The following DLGAP5 variants were observed in gnomAD, a reference collection of about 807,000 sequenced individuals.
The protein encoded by DLGAP5 is disks large-associated protein 5.
Under a neutral mutation model 99.6 loss-of-function variants are expected in DLGAP5, and 90 were observed. The ratio of observed to expected loss-of-function variants is 0.90; its 90% CI spans 0.76 to 1.08. The LOEUF is 1.08. Ranked by LOEUF, DLGAP5 falls within the 50% of genes least tolerant of loss-of-function variation. The probability of loss-of-function intolerance (pLI) is 0.00; values close to 1 mark genes in which losing one functional copy is unlikely to be tolerated. For synonymous variants in DLGAP5, 311 were observed against 321.3 expected, an observed-to-expected ratio of 0.97 and a Z score of 0.34; for missense variants, 1,036 against 983.5, an observed-to-expected ratio of 1.05 and a Z score of -0.71.
chr14:55,158,776 T>C (rs1410687178), intron 13 of DLGAP5, 35 bp from the exon 14 acceptor site: 2 of 1,475,918 alleles, frequency 1.4e-6, no homozygotes, highest in Non-Finnish European at 1.9e-6. Context: ...AAGCTGCCCA[T>C]TACCATCTTA....
intron 6 of DLGAP5, among the ~76,000 whole-genome samples, chr14:55,180,169 A>G (rs897390427): frequency 6.6e-6 from 1 of 152,118 alleles, no homozygotes; most frequent in African/African-American, 2.4e-5. Context: ...AATAACAGAA[A>G]ACTACAAAGA....
At chr14:55,158,435 C>G (rs1882287584) in intron 14 of DLGAP5, 87 bp downstream of exon 14, 1 of 1,122,008 alleles carries the variant, frequency 8.9e-7, no homozygotes, top group African/African-American at 1.6e-5. Context: ...CTATTTTTCA[C>G]CTTACACAAG....
Position 55,158,725 on chromosome 14 carries a change from C to T in DLGAP5, c.1670G>A (p.Gly557Asp). Residue 557 changes from glycine (G) to aspartate (D), a missense_variant, in exon 14 of 19, where the codon GGT (glycine) becomes GAT (aspartate). Physicochemically the swap from Gly to Asp is moderately conservative, Grantham distance 94. Transcript: ENST00000247191. ...KNVFRKKVVS[G>D]IASKPKQDDA... is the part of the protein sequence containing the mutation. The stretch of plus-strand genomic sequence containing the variant: ...ATCCTGTTTTGGTTTACTTGCTATA[C>T]CTGAGACAACTTTTTTCTGCAAAGA... 1 of 1,613,284 alleles carries T rather than the reference C, an allele frequency of 6.2e-7. No homozygotes were observed. Among genetic ancestry groups the T allele is most frequent in the Non-Finnish European group, 8.5e-7 (1 of 1,179,504 alleles).
At chr14:55,180,911 G>A (rs1044022649) in intron 5 of DLGAP5, 133 bp from the exon 6 acceptor site, 9 of 1,144,702 alleles carry the variant, frequency 7.9e-6, no homozygotes, top group Middle Eastern at 2.4e-4. Flanking sequence ...CAGCCCAGGA[G>A]TTCGAAACCA....
chr14:55,177,428 A>G, intron 7 of DLGAP5, 92 bp from the exon 8 acceptor site: 1 of 1,187,698 alleles, frequency 8.4e-7, no homozygotes, highest in Admixed American at 2.7e-5. Context: ...TGACAACAGA[A>G]ATATATGTTC....
chr14:55,149,880 C>T (rs1881953812), intron 18 of DLGAP5, among the ~76,000 whole-genome samples: 1 of 151,728 alleles, frequency 6.6e-6, no homozygotes, highest in Non-Finnish European at 1.5e-5. Flanking sequence ...TGAAACCCCG[C>T]ATCTCTACTA....
intron 12 of DLGAP5, among the ~76,000 whole-genome samples, chr14:55,167,508 T>G (rs555648720): frequency 6.6e-6 from 1 of 152,204 alleles, no homozygotes; most frequent in South Asian, 2.1e-4. Flanking sequence ...TTCTTTAGAC[T>G]TAATAATTGT....
Position 55,152,600 on chromosome 14 carries a change from T to A in DLGAP5, c.2111A>T (p.Glu704Val). The change falls in exon 16 of 19, where the codon GAA (glutamate) becomes GTA (valine). Residue 704 changes from glutamate to valine, a missense_variant. Physicochemically the swap from Glu to Val is moderately radical, Grantham distance 121. Coordinates refer to ENST00000247191, the MANE Select transcript of DLGAP5 (RefSeq NM_014750.5). ...TGGAATTGTACTTACATGATTTTCT[T>A]CAATTAAATCTGGTAATCCAGGACA... Reference protein sequence around the residue: ...AQCPGLPDLIEENHVVNKTDL... With the variant: ...AQCPGLPDLIVENHVVNKTDL... The A allele has an allele frequency of 6.2e-7, 1 of 1,602,000 alleles. No homozygotes were observed. The highest frequency in any genetic ancestry group is 1.3e-5 in the African/African-American group (1 of 74,788).
chr14:55,149,290 C>A (rs941750295), intron 18 of DLGAP5, among the ~76,000 whole-genome samples: 1 of 152,140 alleles, frequency 6.6e-6, no homozygotes, highest in South Asian at 2.1e-4. Context: ...ATCAGGTTTA[C>A]ATAAGTTGGC....
intron 12 of DLGAP5, among the ~76,000 whole-genome samples, chr14:55,165,580 T>TAGGATGGCTATG (rs1882611905): frequency 6.6e-6 from 1 of 151,616 alleles, no homozygotes; most frequent in Non-Finnish European, 1.5e-5. Flanking sequence ...TCATACCCAC[T>TAGGATGGCTATG]AGGATGGCTA....
chr14:55,175,264 T>C (rs1883018291), intron 10 of DLGAP5, 82 bp downstream of exon 10: 2 of 1,329,626 alleles, frequency 1.5e-6, no homozygotes, highest in South Asian at 2.7e-5. Flanking sequence ...CCCCACTATA[T>C]TAAGGTTAAA....
intron 10 of DLGAP5, among the ~76,000 whole-genome samples, chr14:55,174,672 C>A (rs1471098436): frequency 6.6e-6 from 1 of 151,754 alleles, no homozygotes; most frequent in East Asian, 1.9e-4. Flanking sequence ...AGGGCAGATT[C>A]CCCGATATAT....
Position 55,189,131 on chromosome 14 carries a change from C to T in DLGAP5, c.49G>A (p.Glu17Lys). Residue 17 changes from glutamate (E) to lysine (K), a missense_variant, in exon 2 of 19, where the codon GAA (glutamate) becomes AAA (lysine). Coordinates refer to ENST00000247191, the MANE Select transcript of DLGAP5 (RefSeq NM_014750.5). ...TGAGCAATTTTAGTTCTAATCATTT[C>T]AGTACTTATATCCTTCCTGTGTCGA... The part of the protein sequence containing the change: ...ASRHRKDIST[E>K]MIRTKIAHRK... 1 of 1,613,814 alleles carries T rather than the reference C, an allele frequency of 6.2e-7. No individual in the cohort carries two copies. The highest frequency in any genetic ancestry group is 1.7e-4 in the Middle Eastern group (1 of 6,056).
intron 14 of DLGAP5, 45 bp from the exon 15 acceptor site, chr14:55,154,851 C>T (rs1294525680): frequency 6.5e-7 from 1 of 1,531,608 alleles, no homozygotes; most frequent in Non-Finnish European, 9.0e-7. Flanking sequence ...AGTTCTTTTG[C>T]TTTTCATTAT....
At chr14:55,173,678 C>G (rs1054605451) in intron 10 of DLGAP5, among the ~76,000 whole-genome samples, 1 of 151,946 alleles carries the variant, frequency 6.6e-6, no homozygotes, top group African/African-American at 2.4e-5. Context: ...GGCAGAAGAA[C>G]GTGGATTATG....
At chr14:55,167,253 C>CA (rs59010875) in intron 12 of DLGAP5, among the ~76,000 whole-genome samples, 28,282 of 89,508 alleles carry the variant, frequency 0.32, 5,110 homozygotes, top group African/African-American at 0.53. Flanking sequence ...GACTCCATCT[C>CA]AAAAAAAAAA....
intron 18 of DLGAP5, chr14:55,150,569 T>C (rs768292092): frequency 9.5e-5 from 28 of 294,560 alleles, no homozygotes; most frequent in Non-Finnish European, 1.6e-4. Flanking sequence ...AGAGCAAATT[T>C]GATAGAAAAA....
At chr14:55,159,418 G>C (rs144486597) in intron 13 of DLGAP5, among the ~76,000 whole-genome samples, 1 of 152,300 alleles carries the variant, frequency 6.6e-6, no homozygotes, top group African/African-American at 2.4e-5. Flanking sequence ...AGATCACTCA[G>C]ACTAAGGAGT....
chr14:55,177,393 A>G, intron 7 of DLGAP5, 57 bp from the exon 8 acceptor site: 1 of 1,472,124 alleles, frequency 6.8e-7, no homozygotes. Context: ...GATATATTCA[A>G]CCAATTTTTA....
Sources: gnomAD v4.1 joint callset for allele counts (sites outside exome capture counted in the v4.1 genomes callset) on GRCh38, gnomAD v4.1.1 for gene constraint, MANE v1.5 for transcripts, NCBI Gene and HGNC (gene_info 2026-07-23, HGNC 2026-07-21) for gene names.